Variants in PALS2 observed in about 807,000 individuals in gnomAD.
PALS2 encodes the protein protein PALS2.
PALS2 carries 27 observed loss-of-function variants against 61.6 expected under a neutral mutation model. The observed-to-expected ratio is 0.44, with a 90% CI of 0.32 to 0.60. The LOEUF (loss-of-function observed/expected upper bound fraction) is 0.60, where lower values mean the gene tolerates loss of function less well. PALS2 is among the 20% of genes least tolerant of loss of function. PALS2 has a pLI of 0.05. For synonymous variants in PALS2, 236 were observed against 218.6 expected (o/e 1.08, Z -0.70); for missense variants, 554 against 639.4 (o/e 0.87, Z 1.44).
intron 1 of PALS2, among the ~76,000 whole-genome samples, chr7:24,599,301 G>A (rs1783632537): frequency 6.6e-6 from 1 of 152,076 alleles, no homozygotes; most frequent in Admixed American, 6.6e-5. Context: ...GAGTGAATGT[G>A]AAGGCCTAGG....
chr7:24,658,895 T>C (rs1786569376), intron 5 of PALS2, among the ~76,000 whole-genome samples: 1 of 152,142 alleles, frequency 6.6e-6, no homozygotes, highest in Non-Finnish European at 1.5e-5. Context: ...TACAGGTCTG[T>C]TACATGGATA....
intron 1 of PALS2, among the ~76,000 whole-genome samples, chr7:24,615,718 A>G (rs13235833): frequency 0.14 from 21,940 of 152,026 alleles, 2,082 homozygotes; most frequent in East Asian, 0.47. Context: ...TACAAGGCCA[A>G]AATAACCCTG....
At chr7:24,621,124 G>GT (rs1784492581) in intron 1 of PALS2, among the ~76,000 whole-genome samples, 1 of 152,102 alleles carries the variant, frequency 6.6e-6, no homozygotes, top group Non-Finnish European at 1.5e-5. Flanking sequence ...AAATTACTAA[G>GT]TAGCTTAGTT....
chr7:24,579,613 C>T (rs540593574), intron 1 of PALS2, among the ~76,000 whole-genome samples: 2 of 151,920 alleles, frequency 1.3e-5, no homozygotes, highest in South Asian at 2.1e-4. Context: ...TATAAATCAC[C>T]GAGATTTTCC....
chr7:24,595,736 G>A (rs1783499227), intron 1 of PALS2, among the ~76,000 whole-genome samples: 1 of 150,898 alleles, frequency 6.6e-6, no homozygotes, highest in African/African-American at 2.4e-5. Flanking sequence ...CTAAAAGGAT[G>A]GAGAGTGACA....
At chr7:24,669,144 A>C (rs1043986410) in intron 9 of PALS2, among the ~76,000 whole-genome samples, 3 of 152,188 alleles carry the variant, frequency 2.0e-5, no homozygotes, top group African/African-American at 7.2e-5. Flanking sequence ...CATAAGAGTG[A>C]TTCATCTTTT....
chr7:24,660,012 C>T (rs1231747286), intron 5 of PALS2, among the ~76,000 whole-genome samples: 1 of 152,226 alleles, frequency 6.6e-6, no homozygotes, highest in Non-Finnish European at 1.5e-5. Flanking sequence ...GAAACCCTCT[C>T]TGCAGTTAGC....
chr7:24,610,249 A>C (rs1784066879), intron 1 of PALS2, among the ~76,000 whole-genome samples: 1 of 151,880 alleles, frequency 6.6e-6, no homozygotes, highest in Admixed American at 6.6e-5. Context: ...TAAGTAATTT[A>C]CCCGGGTTTT....
chr7:24,587,397 T>G (rs528871758), intron 1 of PALS2, among the ~76,000 whole-genome samples: 6 of 152,210 alleles, frequency 3.9e-5, no homozygotes, highest in Middle Eastern at 6.8e-3. Context: ...AAAAATTTTT[T>G]TAGACAGCAT....
At chr7:24,671,315 A>G (rs1014542169) in intron 9 of PALS2, among the ~76,000 whole-genome samples, 3 of 152,106 alleles carry the variant, frequency 2.0e-5, no homozygotes, top group Admixed American at 6.5e-5. Context: ...TTTGCCATTT[A>G]TATATTTTCT....
At chr7:24,604,392 T>G (rs1473041895) in intron 1 of PALS2, among the ~76,000 whole-genome samples, 9 of 151,994 alleles carry the variant, frequency 5.9e-5, no homozygotes, top group African/African-American at 1.9e-4. Context: ...CTCAACAGAT[T>G]TAAGATGGCA....
chr7:24,595,778 G>C (rs1444919121), intron 1 of PALS2, among the ~76,000 whole-genome samples: 1 of 151,120 alleles, frequency 6.6e-6, no homozygotes, highest in Non-Finnish European at 1.5e-5. Context: ...GCGTAGTTTA[G>C]ATTGAATGCT....
At chr7:24,643,752 C>G (rs1375562768) in intron 3 of PALS2, among the ~76,000 whole-genome samples, 1 of 152,110 alleles carries the variant, frequency 6.6e-6, no homozygotes, top group Middle Eastern at 3.2e-3. Flanking sequence ...TTAGTTACTT[C>G]CCTGTGGTGT....
chr7:24,616,997 T>A (rs1784315913), intron 1 of PALS2, among the ~76,000 whole-genome samples: 1 of 152,214 alleles, frequency 6.6e-6, no homozygotes, highest in Non-Finnish European at 1.5e-5. Flanking sequence ...TCATTAAATA[T>A]TTCCTATGAT....
intron 1 of PALS2, among the ~76,000 whole-genome samples, chr7:24,594,029 G>C (rs1783404209): frequency 6.6e-6 from 1 of 152,112 alleles, no homozygotes; most frequent in African/African-American, 2.4e-5. Context: ...GTGTAGCATA[G>C]TCACCACCTT....
At chr7:24,672,984 C>G (rs1046067095) in intron 9 of PALS2, among the ~76,000 whole-genome samples, 4 of 152,142 alleles carry the variant, frequency 2.6e-5, no homozygotes, top group African/African-American at 7.2e-5. Context: ...TTGTCTTGTT[C>G]ATGATCTTAA....
intron 1 of PALS2, chr7:24,597,019 A>T (rs1187197926): frequency 6.6e-6 from 1 of 152,158 alleles, no homozygotes; most frequent in Non-Finnish European, 1.5e-5. Context: ...TGATTCTGAG[A>T]TTATAAGCAT....
At chr7:24,657,540 C>A (rs1786485574) in intron 5 of PALS2, among the ~76,000 whole-genome samples, 1 of 152,014 alleles carries the variant, frequency 6.6e-6, no homozygotes, top group Admixed American at 6.5e-5. Flanking sequence ...AATATTTTGT[C>A]CATTTTTTGT....
At chr7:24,637,323 A>G (rs1489881819) in intron 2 of PALS2, among the ~76,000 whole-genome samples, 1 of 148,938 alleles carries the variant, frequency 6.7e-6, no homozygotes, top group African/African-American at 2.5e-5. Flanking sequence ...TTTCAGAGCA[A>G]AGCTCATCCT....
Sources: allele counts gnomAD v4.1 joint callset (sites outside exome capture counted in the v4.1 genomes callset), GRCh38; gene constraint gnomAD v4.1.1; transcripts MANE v1.5; gene names NCBI Gene and HGNC (gene_info 2026-07-23, HGNC 2026-07-21).